The following AHRR variants were observed in gnomAD, a reference collection of about 807,000 sequenced individuals.
The protein encoded by AHRR is ahR repressor.
In AHRR, 28 loss-of-function variants were observed where a neutral mutation model predicts 44.0. The ratio of observed to expected loss-of-function variants is 0.64; its 90% confidence interval spans 0.47 to 0.87. AHRR has a LOEUF of 0.87. Ranked by LOEUF, AHRR falls within the 40% of genes least tolerant of loss-of-function variation. AHRR has a pLI of 0.00. For synonymous variants in AHRR, 434 were observed against 407.0 expected, an observed-to-expected ratio of 1.07 and a Z score of -0.80; for missense variants, 990 against 953.9, an observed-to-expected ratio of 1.04 and a Z score of -0.50.
chr5:327,413 C>G (rs193259928), intron 1 of AHRR, among the ~76,000 whole-genome samples: 1 of 152,344 alleles, frequency 6.6e-6, no homozygotes, highest in East Asian at 1.9e-4. Flanking sequence ...TGTCATCCAT[C>G]ATTCCACTCA....
intron 3 of AHRR, 36 bp from the exon 4 acceptor site, chr5:376,574 T>TGAA: frequency 4.0e-6 from 1 of 248,450 alleles, no homozygotes; most frequent in Non-Finnish European, 6.5e-6. Context: ...AGGCCAAGGG[T>TGAA]TGGGGGTGCC....
intron 2 of AHRR, among the ~76,000 whole-genome samples, chr5:351,785 C>T (rs1340587005): frequency 1.3e-5 from 2 of 152,228 alleles, no homozygotes; most frequent in Non-Finnish European, 2.9e-5. Flanking sequence ...TGTCAGGCTG[C>T]TCTGTGACTG....
chr5:370,783 C>T lies in AHRR; in HGVS notation c.245-5827C>T, dbSNP rs1379302299. ...AGGTGTTGGTGGGGGGAGGGGGGCACGTTCCCATCATGCTTGTCCGACCTC... is the reference window on the plus strand; with the variant it reads ...AGGTGTTGGTGGGGGGAGGGGGGCATGTTCCCATCATGCTTGTCCGACCTC... On this transcript the variant is annotated intron_variant, in intron 3 of 10. Transcript: ENST00000684583. This position sits in a 1 kb window ranked among gnomAD's most constrained non-coding sequence, Gnocchi z 4.5. Among the ~76,000 whole-genome samples the T allele has an allele frequency of 6.6e-6, 1 of 151,740 alleles. No homozygotes were observed. Among genetic ancestry groups the T allele is most frequent in the Non-Finnish European group, 1.5e-5 (1 of 67,928 alleles).
At chr5:420,820 CGCAGCCACCCACCCA>C in intron 5 of AHRR, 1 of 269,714 alleles carries the variant, frequency 3.7e-6, no homozygotes, top group Non-Finnish European at 7.2e-6. Flanking sequence ...CACCCACCCA[CGCAGCCACCCACCCA>C]CGCAGCACGC....
rs530450288 is a variant in AHRR, at chr5:423,994, C to G, written c.708+17C>G. On this transcript the variant is annotated intron_variant, in intron 7 of 10. Coordinates refer to ENST00000684583, the MANE Select transcript of AHRR (RefSeq NM_001377236.1). ...GGCTTCCTGGTGAGTGCGTGGGTCC[C>G]TGGCAGGGGGCTCCCGACATCTGGG... 2.1e-5 allele frequency: 33 copies of G among 1,591,552 alleles called. No individual in the cohort carries two copies. In the South Asian group the frequency reaches 3.3e-4, roughly 16 times the overall value.
At chr5:397,179 C>T (rs1734755239) in intron 4 of AHRR, among the ~76,000 whole-genome samples, 1 of 121,112 alleles carries the variant, frequency 8.3e-6, no homozygotes, top group Admixed American at 8.3e-5. Flanking sequence ...TCCTGACCAT[C>T]CATGTTAGCC....
intron 5 of AHRR, among the ~76,000 whole-genome samples, chr5:415,632 A>AGTCTGCCTGGTCGGCTGGG (rs1735750528): frequency 6.9e-6 from 1 of 145,282 alleles, no homozygotes; most frequent in Admixed American, 7.2e-5. Context: ...CTAGGGGCCG[A>AGTCTGCCTGGTCGGCTGGG]ATCTGCCTGG....
At chr5:415,731 C>CCGAGTCTGCCTGG (rs1579689950) in intron 5 of AHRR, among the ~76,000 whole-genome samples, 1 of 152,100 alleles carries the variant, frequency 6.6e-6, no homozygotes. Context: ...GGCCTAGGGG[C>CCGAGTCTGCCTGG]TGTGCAGAGC....
chr5:391,264 C>T (rs1429982915), intron 4 of AHRR, among the ~76,000 whole-genome samples: 3 of 152,020 alleles, frequency 2.0e-5, no homozygotes, highest in Admixed American at 1.3e-4. Context: ...AGGAGCTCTG[C>T]GGGGGGAGCT....
At position 404,321 on chromosome 5, in the gene AHRR, TA is replaced by T; in HGVS notation, c.352-9019del. On this transcript the variant is annotated intron_variant, in intron 4 of 10. Coordinates refer to ENST00000684583, the MANE Select transcript of AHRR (RefSeq NM_001377236.1). This position sits in a 1 kb window ranked among gnomAD's most constrained non-coding sequence, Gnocchi z 4.1. ...TCGCTAATTTTTCTTCCAGTGTTAC[TA>T]AAAGCTGTTTCACTCTTTTTTTTTT... The T allele has an allele frequency of 2.0e-6, 1 of 490,072 alleles. No individual in the cohort carries two copies. The highest frequency in any genetic ancestry group is 1.6e-5 in the South Asian group (1 of 62,624). The allele number at this position is 490,072 out of a possible 1,614,324, so 30.4% of individuals were successfully genotyped here. A position where few individuals can be genotyped will look rare whatever the true frequency, so the allele number is the denominator to read the frequency against.
At chr5:421,349 C>T (rs2126530392) in intron 5 of AHRR, 1 of 684,936 alleles carries the variant, frequency 1.5e-6, no homozygotes, top group Non-Finnish European at 2.7e-6. Context: ...CGGTGGGTAT[C>T]ATCCCTCCAC....
Position 435,730 on chromosome 5 carries a change from G to C in AHRR, c.*896G>C, listed in dbSNP as rs1301717051. On this transcript the variant is annotated 3_prime_UTR_variant, in exon 11 of 11. Transcript: ENST00000684583. ...GAAGACACAGGAAACTGCGCTGCCT[G>C]TGGGGGTTTCTCTCTGGCTGGCTGT... 1 of 152,186 alleles carries C rather than the reference G, an allele frequency of 6.6e-6. No individual in the cohort carries two copies. Among genetic ancestry groups the C allele is most frequent in the Admixed American group, 6.6e-5 (1 of 15,202 alleles). 9.4% of individuals were successfully genotyped at this position (152,186 alleles called of 1,614,324 possible).
Position 388,393 on chromosome 5 carries a change from GTACCTGCCAT to G in AHRR, c.351+11683_351+11692del, listed in dbSNP as rs1315171086. ...CCATCCATCGATGGCTATGGGGAGG[GTACCTGCCAT>G]TACCTCTGTTTATGCTTGGGGAAAC... On this transcript the variant is annotated intron_variant, in intron 4 of 10. Coordinates refer to ENST00000684583, the MANE Select transcript of AHRR (RefSeq NM_001377236.1). This position sits in a 1 kb window ranked among gnomAD's most constrained non-coding sequence, Gnocchi z 5.2. Among the ~76,000 whole-genome samples the G allele has an allele frequency of 6.6e-6, 1 of 152,230 alleles. No homozygotes were observed. Among genetic ancestry groups the G allele is most frequent in the Non-Finnish European group, 1.5e-5 (1 of 68,036 alleles).
At chr5:350,558 C>T (rs1174770006) in intron 2 of AHRR, among the ~76,000 whole-genome samples, 1 of 152,194 alleles carries the variant, frequency 6.6e-6, no homozygotes, top group Non-Finnish European at 1.5e-5. Context: ...TCTCCCATCT[C>T]TCTGGCGCCC....
chr5:426,620 C>T (rs1313830616), intron 7 of AHRR, among the ~76,000 whole-genome samples: 4 of 141,292 alleles, frequency 2.8e-5, no homozygotes, highest in Admixed American at 1.4e-4. Flanking sequence ...GATGGATGGA[C>T]GGATGGGTGG....
rs144129742 is a variant in AHRR, at chr5:348,660, C to T, written c.62+4696C>T. 1.8e-4 allele frequency among the ~76,000 whole-genome samples: 28 copies of T among 152,294 alleles called. No individual in the cohort carries two copies. The East Asian group carries it at 4.2e-3, about 23-fold the overall frequency. ...TTGGTATAAAAGTTCTGAGATTCAT[C>T]CATGTTTCTAGCACCAGCCATTTGT... On this transcript the variant is annotated intron_variant, in intron 2 of 10. Coordinates refer to ENST00000684583, the MANE Select transcript of AHRR (RefSeq NM_001377236.1).
intron 8 of AHRR, among the ~76,000 whole-genome samples, chr5:431,650 G>GC: frequency 6.6e-6 from 1 of 151,088 alleles, no homozygotes; most frequent in East Asian, 1.9e-4. Flanking sequence ...GCCCCCAACA[G>GC]CCCCCCAGTC....
intron 2 of AHRR, among the ~76,000 whole-genome samples, chr5:347,988 G>T (rs1406385867): frequency 1.3e-5 from 2 of 152,226 alleles, no homozygotes; most frequent in Admixed American, 1.3e-4. Context: ...GGAAGGGGTG[G>T]CTGGTAAAGG....
intron 5 of AHRR, among the ~76,000 whole-genome samples, chr5:420,393 C>T (rs565599432): frequency 4.8e-5 from 7 of 147,300 alleles, no homozygotes; most frequent in East Asian, 1.9e-4. Flanking sequence ...GGGAGGAGTG[C>T]GGACTCCCCG....
Sources: allele counts gnomAD v4.1 joint callset (sites outside exome capture counted in the v4.1 genomes callset), GRCh38; gene constraint gnomAD v4.1.1; non-coding constraint Gnocchi (gnomAD v3.1); transcripts MANE v1.5; gene names NCBI Gene and HGNC (gene_info 2026-07-23, HGNC 2026-07-21).